The following UBE2Z variants were observed in gnomAD, a reference collection of about 807,000 sequenced individuals.
UBE2Z encodes the protein ubiquitin-conjugating enzyme E2 Z.
A neutral mutation model predicts 32.6 loss-of-function variants in UBE2Z; 10 were observed. The ratio of observed to expected loss-of-function variants is 0.31; its 90% confidence interval spans 0.19 to 0.52. The LOEUF is 0.52. UBE2Z is among the 20% of genes least tolerant of loss of function. The probability of loss-of-function intolerance (pLI) is 0.97; values close to 1 mark genes in which losing one functional copy is unlikely to be tolerated. For missense variants in UBE2Z, 343 were observed against 480.9 expected (o/e 0.71, Z 2.68); for synonymous variants, 183 against 190.8 (o/e 0.96, Z 0.34).
chr17:48,920,080 GGGAAGCTGAGGAGA>G (rs1298586228), intron 4 of UBE2Z, among the ~76,000 whole-genome samples: 2 of 152,114 alleles, frequency 1.3e-5, no homozygotes, highest in Non-Finnish European at 2.9e-5. Flanking sequence ...CCAGCTACTT[GGGAAGCTGAGGAGA>G]GGAGCATCGC....
At position 48,908,620 on chromosome 17, in the gene UBE2Z, G is replaced by A; in HGVS notation, c.117G>A (p.Pro39=). ...GCGGCAGCGGCGGCGGGTTCGGGCC[G>A]CCTTTCCTGCCGGATGTGTGGGCGG... ...GVSGSGGGFG[P]PFLPDVWAAA... is the part of the protein sequence containing the mutation. The change falls in exon 1 of 7, where the codon CCG becomes CCA. Residue 39 remains proline, a synonymous_variant. Coordinates refer to ENST00000360943, the MANE Select transcript of UBE2Z (RefSeq NM_023079.5). The A allele has an allele frequency of 8.1e-7, 1 of 1,235,056 alleles. No homozygotes were observed. Among genetic ancestry groups the A allele is most frequent in the Non-Finnish European group, 1.0e-6 (1 of 986,824 alleles). 76.5% of individuals were successfully genotyped at this position (1,235,056 alleles called of 1,614,324 possible).
chr17:48,923,656 G>A (rs2040778958), intron 6 of UBE2Z, among the ~76,000 whole-genome samples: 1 of 137,888 alleles, frequency 7.3e-6, no homozygotes, highest in African/African-American at 2.5e-5. Context: ...TATATCATTT[G>A]AGGGACTGAG....
chr17:48,908,529 C>A lies in UBE2Z; in HGVS notation c.26C>A (p.Ala9Glu). The change falls in exon 1 of 7, where the codon GCG becomes GAG. Residue 9 changes from alanine (A) to glutamate (E), a missense_variant. Around this residue, in one of 4 missense-constraint regions of UBE2Z, gnomAD observed 103 missense variants for 96.2 expected, o/e 1.07. Transcript: ENST00000360943. MAESPTEE[A>E]ATAGAGAAGP... ...ATGGCGGAGAGTCCGACTGAGGAGG[C>A]GGCAACGGCGGGCGCCGGGGCGGCG... is the stretch of plus-strand genomic sequence containing the variant. The A allele has an allele frequency of 2.4e-6, 3 of 1,236,914 alleles. No individual in the cohort carries two copies. Among genetic ancestry groups the A allele is most frequent in the Non-Finnish European group, 3.0e-6 (3 of 988,670 alleles). 76.6% of individuals were successfully genotyped at this position (1,236,914 alleles called of 1,614,324 possible).
rs113748348 is a variant in UBE2Z at position 48,916,073 on chromosome 17, C to T, written c.579-3C>T. Reference sequence around the variant, plus strand: ...CCCTCCATTCCTTCTGATGTGTTTACAGTACATGGACTGGACCTGCCTGGA... The same window carrying T: ...CCCTCCATTCCTTCTGATGTGTTTATAGTACATGGACTGGACCTGCCTGGA... On this transcript the variant is annotated splice_polypyrimidine_tract_variant and splice_region_variant and intron_variant, in intron 3 of 6. Transcript: ENST00000360943. The T allele has an allele frequency of 1.3e-6, 2 of 1,584,632 alleles. No homozygotes were observed. Among genetic ancestry groups the T allele is most frequent in the Non-Finnish European group, 1.7e-6 (2 of 1,168,038 alleles).
Position 48,908,461 on chromosome 17 carries a change from G to T in UBE2Z, c.-43G>T. On this transcript the variant is annotated 5_prime_UTR_variant, in exon 1 of 7. Coordinates refer to ENST00000360943, the MANE Select transcript of UBE2Z (RefSeq NM_023079.5). ...GCGGGCGGGAGCAGCGGCCGCTCTG[G>T]TCGGCGGACGTGCTGCCGAGTAGTC... The T allele has an allele frequency of 2.4e-6, 3 of 1,226,658 alleles. No homozygotes were observed. Among genetic ancestry groups the T allele is most frequent in the Non-Finnish European group, 3.0e-6 (3 of 984,016 alleles). 76.0% of individuals were successfully genotyped at this position (1,226,658 alleles called of 1,614,324 possible).
At chr17:48,918,788 C>G (rs1598074844) in intron 4 of UBE2Z, among the ~76,000 whole-genome samples, 1 of 143,058 alleles carries the variant, frequency 7.0e-6, no homozygotes, top group Admixed American at 6.9e-5. Flanking sequence ...ACTCTGTCAC[C>G]CAGGCTGGAG....
At chr17:48,922,023 G>C (rs2040762642) in intron 5 of UBE2Z, among the ~76,000 whole-genome samples, 2 of 152,146 alleles carry the variant, frequency 1.3e-5, no homozygotes, top group South Asian at 4.1e-4. Flanking sequence ...GCAAGACCCT[G>C]CCTCAAAAAG....
At chr17:48,924,246 T>G (rs181006860) in intron 6 of UBE2Z, among the ~76,000 whole-genome samples, 17 of 152,316 alleles carry the variant, frequency 1.1e-4, no homozygotes, top group Admixed American at 9.8e-4. Context: ...AGGCTGAGAT[T>G]ATTACAGGTG....
chr17:48,912,256 A>ACTGGG (rs2040684722), intron 2 of UBE2Z: 1 of 153,578 alleles, frequency 6.5e-6, no homozygotes, highest in Non-Finnish European at 1.4e-5. Flanking sequence ...CTGCTGTGTT[A>ACTGGG]CTGGCACTGG....
Position 48,908,741 on chromosome 17 carries a change from C to G in UBE2Z, c.238C>G (p.Leu80Val). The G allele has an allele frequency of 1.3e-6, 2 of 1,487,766 alleles. No individual in the cohort carries two copies. The highest frequency in any genetic ancestry group is 1.5e-5 in the African/African-American group (1 of 68,760). The allele number at this position is 1,487,766 out of a possible 1,614,324, so 92.2% of individuals were successfully genotyped here. The change falls in exon 1 of 7, where the codon CTT becomes GTT. Residue 80 changes from leucine (L) to valine (V), a missense_variant. This residue lies in a region of UBE2Z where 55 missense variants were observed against 56.2 expected (regional missense o/e 0.98). Transcript: ENST00000360943. ...PSAAAHGAALLSHWDPTLSSD... is the reference protein window; with the variant it reads ...PSAAAHGAALVSHWDPTLSSD... The stretch of plus-strand genomic sequence containing the variant: ...AGCCGCTGCCCACGGGGCCGCGCTG[C>G]TTAGCCACTGGGACCCCACGCTCAG...
intron 6 of UBE2Z, among the ~76,000 whole-genome samples, 199 bp from the exon 7 acceptor site, chr17:48,926,765 G>C (rs2040801372): frequency 6.6e-6 from 1 of 152,170 alleles, no homozygotes; most frequent in African/African-American, 2.4e-5. Flanking sequence ...ACAGGTGTGA[G>C]CCACCGCGCC....
rs926707887 is a variant in UBE2Z, at chr17:48,927,219, ATC to A, written c.*88_*89del. On this transcript the variant is annotated 3_prime_UTR_variant, in exon 7 of 7. Coordinates refer to ENST00000360943, the MANE Select transcript of UBE2Z (RefSeq NM_023079.5). ...CCCCAGGGATGGAGAGGCACTGTGT[ATC>A]TCCCTCCAGACTCGAAGTCATCCTG... The A allele has an allele frequency of 7.2e-7, 1 of 1,385,858 alleles. No individual in the cohort carries two copies. The highest frequency in any genetic ancestry group is 2.0e-5 in the Admixed American group (1 of 49,630). 85.8% of individuals were successfully genotyped at this position (1,385,858 alleles called of 1,614,324 possible). A position where few individuals can be genotyped will look rare whatever the true frequency, so the allele number is the denominator to read the frequency against.
intron 1 of UBE2Z, 85 bp downstream of exon 1, chr17:48,908,905 C>T (rs1237978630): frequency 9.7e-7 from 1 of 1,031,714 alleles, no homozygotes; most frequent in Admixed American, 4.7e-5. Context: ...ACAACTCACC[C>T]CCCACCCACT....
chr17:48,922,783 A>T, intron 5 of UBE2Z, 64 bp from the exon 6 acceptor site: 2 of 1,269,400 alleles, frequency 1.6e-6, no homozygotes, highest in Non-Finnish European at 2.2e-6. Context: ...AAAAAAGGTT[A>T]GGTAAGGAAG....
At chr17:48,924,845 CAAA>C (rs5820735) in intron 6 of UBE2Z, among the ~76,000 whole-genome samples, 5 of 85,752 alleles carry the variant, frequency 5.8e-5, no homozygotes, top group Admixed American at 1.5e-4. Context: ...GATTCTGTCT[CAAA>C]AAAAAAAAAA....
chr17:48,911,126 C>A (rs765474165), intron 2 of UBE2Z: 1 of 498,170 alleles, frequency 2.0e-6, no homozygotes, highest in Admixed American at 3.2e-5. Flanking sequence ...TGTCTGTTGT[C>A]GCAGCTTGAC....
At chr17:48,910,065 T>C (rs1296217935) in intron 1 of UBE2Z, among the ~76,000 whole-genome samples, 2 of 152,184 alleles carry the variant, frequency 1.3e-5, no homozygotes, top group Non-Finnish European at 2.9e-5. Context: ...TTGCCCTTTT[T>C]ATGTCCCTAC....
chr17:48,924,845 CAAAA>C (rs5820735), intron 6 of UBE2Z, among the ~76,000 whole-genome samples: 1 of 85,752 alleles, frequency 1.2e-5, no homozygotes, highest in Admixed American at 1.5e-4. Context: ...GATTCTGTCT[CAAAA>C]AAAAAAAAAA....
intron 1 of UBE2Z, among the ~76,000 whole-genome samples, chr17:48,909,337 T>C (rs2040658102): frequency 6.6e-6 from 1 of 152,006 alleles, no homozygotes; most frequent in Non-Finnish European, 1.5e-5. Flanking sequence ...TTATCCTCCG[T>C]TTTTCTCAGA....
Sources: allele counts gnomAD v4.1 joint callset (sites outside exome capture counted in the v4.1 genomes callset), GRCh38; gene constraint gnomAD v4.1.1; regional missense constraint gnomAD v4.1.1; transcripts MANE v1.5; gene names NCBI Gene and HGNC (gene_info 2026-07-23, HGNC 2026-07-21).